Variants in DCC observed in about 807,000 individuals in gnomAD.
DCC encodes DCC netrin 1 receptor.
DCC carries 58 observed loss-of-function variants against 172.5 expected under a neutral mutation model. That is an observed-to-expected ratio of 0.34 (90% CI 0.27 to 0.42). The LOEUF is 0.42. DCC is among the 10% of genes least tolerant of loss of function. The probability of loss-of-function intolerance (pLI) is 1.00; values close to 1 mark genes in which losing one functional copy is unlikely to be tolerated. For missense variants in DCC, 1,740 were observed against 1,791.0 expected (o/e 0.97, Z 0.51); for synonymous variants, 709 against 644.5 (o/e 1.10, Z -1.52).
At chr18:52,709,605 C>T (rs756473078) in intron 1 of DCC, among the ~76,000 whole-genome samples, 10 of 152,144 alleles carry the variant, frequency 6.6e-5, no homozygotes, top group Non-Finnish European at 1.2e-4. Context: ...TTCAATCTCC[C>T]AACACCAGAT....
At chr18:53,011,950 G>GT (rs1316534402) in intron 5 of DCC, among the ~76,000 whole-genome samples, 1 of 151,804 alleles carries the variant, frequency 6.6e-6, no homozygotes, top group Non-Finnish European at 1.5e-5. Flanking sequence ...AAACTACTCA[G>GT]TATCGCTAGG....
chr18:52,592,665 G>T (rs952787808), intron 1 of DCC, among the ~76,000 whole-genome samples: 5 of 152,178 alleles, frequency 3.3e-5, no homozygotes, highest in Admixed American at 6.5e-5. Flanking sequence ...GGGCTTTCTT[G>T]CTCTGTTGCC....
chr18:52,857,963 A>G (rs2039079694), intron 2 of DCC, among the ~76,000 whole-genome samples: 1 of 152,218 alleles, frequency 6.6e-6, no homozygotes, highest in Non-Finnish European at 1.5e-5. Flanking sequence ...TTAAAAGAAT[A>G]TTTGGAAATT....
At chr18:52,490,427 T>C (rs1271917280) in intron 1 of DCC, among the ~76,000 whole-genome samples, 1 of 152,124 alleles carries the variant, frequency 6.6e-6, no homozygotes, top group Non-Finnish European at 1.5e-5. Context: ...ATTAGCTTTG[T>C]AAATTTTAAA....
At chr18:53,065,875 A>C (rs1365515684) in intron 6 of DCC, among the ~76,000 whole-genome samples, 171 bp from the exon 7 acceptor site, 2 of 152,122 alleles carry the variant, frequency 1.3e-5, no homozygotes, top group African/African-American at 4.8e-5. Flanking sequence ...TTGGGAAGGT[A>C]TGACTTTTCC....
intron 2 of DCC, among the ~76,000 whole-genome samples, chr18:52,779,852 G>T (rs2037502206): frequency 1.3e-5 from 2 of 152,148 alleles, no homozygotes; most frequent in Admixed American, 1.3e-4. Flanking sequence ...CATTCTAACT[G>T]GCATGAGATG....
chr18:52,716,039 C>T (rs777257257), intron 1 of DCC, among the ~76,000 whole-genome samples: 5 of 152,130 alleles, frequency 3.3e-5, no homozygotes, highest in Admixed American at 1.3e-4. Flanking sequence ...TCCTTTCTTG[C>T]TCTTCAACTC....
At chr18:52,396,230 G>T (rs1263807214) in intron 1 of DCC, among the ~76,000 whole-genome samples, 2 of 151,696 alleles carry the variant, frequency 1.3e-5, no homozygotes, top group East Asian at 3.9e-4. Flanking sequence ...AAGTGCTACT[G>T]ATTTGTGAAC....
intron 12 of DCC, among the ~76,000 whole-genome samples, chr18:53,292,773 C>T (rs2057021550): frequency 6.6e-6 from 1 of 152,156 alleles, no homozygotes; most frequent in Admixed American, 6.6e-5. Flanking sequence ...AAGAACATTT[C>T]TCAGAGATTT....
chr18:53,044,441 T>C (rs529948322), intron 5 of DCC, among the ~76,000 whole-genome samples: 15 of 80,774 alleles, frequency 1.9e-4, no homozygotes, highest in African/African-American at 9.8e-4. Flanking sequence ...GCTGCTGATA[T>C]ATATGAACTG....
intron 2 of DCC, among the ~76,000 whole-genome samples, chr18:52,846,803 C>T (rs1485422066): frequency 6.6e-6 from 1 of 152,088 alleles, no homozygotes; most frequent in South Asian, 2.1e-4. Flanking sequence ...GAAAGACTTC[C>T]AACAGGAGTT....
chr18:53,405,430 A>G (rs1368666294), intron 19 of DCC, among the ~76,000 whole-genome samples: 3 of 152,184 alleles, frequency 2.0e-5, no homozygotes, highest in Non-Finnish European at 4.4e-5. Flanking sequence ...AAAGATAGTA[A>G]TAGAACCGCA....
intron 1 of DCC, among the ~76,000 whole-genome samples, chr18:52,350,767 G>A (rs1172030915): frequency 6.6e-6 from 1 of 152,164 alleles, no homozygotes; most frequent in Non-Finnish European, 1.5e-5. Context: ...AGAGGCAAGG[G>A]AGTTTAAAGA....
intron 1 of DCC, among the ~76,000 whole-genome samples, chr18:52,406,158 T>C (rs1986642603): frequency 6.7e-6 from 1 of 149,974 alleles, no homozygotes; most frequent in Admixed American, 6.7e-5. Context: ...TTACACCTTA[T>C]ACAAAAATCA....
At chr18:53,168,948 G>A (rs1598869362) in intron 8 of DCC, among the ~76,000 whole-genome samples, 1 of 152,214 alleles carries the variant, frequency 6.6e-6, no homozygotes, top group East Asian at 1.9e-4. Context: ...TGTGTTAAAA[G>A]GGTATCTTTG....
At chr18:52,858,433 C>T (rs1225637085) in intron 2 of DCC, among the ~76,000 whole-genome samples, 1 of 152,170 alleles carries the variant, frequency 6.6e-6, no homozygotes, top group Non-Finnish European at 1.5e-5. Flanking sequence ...ACTCACAACA[C>T]ACAGAAGCAT....
chr18:52,782,546 T>A (rs1375809713), intron 2 of DCC, among the ~76,000 whole-genome samples: 7 of 152,088 alleles, frequency 4.6e-5, no homozygotes, highest in Non-Finnish European at 4.4e-5. Flanking sequence ...TATCCTAACT[T>A]CTTGCATACA....
chr18:53,363,327 C>T (rs992887000), intron 15 of DCC, among the ~76,000 whole-genome samples: 1 of 152,150 alleles, frequency 6.6e-6, no homozygotes, highest in African/African-American at 2.4e-5. Context: ...CTGAAAAATT[C>T]TTCAGAGATT....
intron 21 of DCC, among the ~76,000 whole-genome samples, chr18:53,434,265 T>C (rs1328399326): frequency 6.6e-6 from 1 of 152,164 alleles, no homozygotes; most frequent in Non-Finnish European, 1.5e-5. Flanking sequence ...AATAGAAAAT[T>C]ACCTATACTC....
Sources: gnomAD v4.1 joint callset for allele counts (sites outside exome capture counted in the v4.1 genomes callset) on GRCh38, gnomAD v4.1.1 for gene constraint, MANE v1.5 for transcripts, NCBI Gene and HGNC (gene_info 2026-07-23, HGNC 2026-07-21) for gene names.